KCNQ1: variants seen among roughly 807,000 people sequenced by gnomAD.
The protein encoded by KCNQ1 is potassium voltage-gated channel subfamily Q member 1.
Under a neutral mutation model 72.4 loss-of-function variants are expected in KCNQ1, and 49 were observed. The observed-to-expected ratio is 0.68, with a 90% confidence interval of 0.54 to 0.86. KCNQ1 has a LOEUF of 0.86. Among genes scored for constraint, KCNQ1 ranks in the 40% least tolerant of loss-of-function variants. KCNQ1 has a pLI of 0.00. For synonymous variants in KCNQ1, 450 were observed against 412.6 expected, an observed-to-expected ratio of 1.09 and a Z score of -1.10; for missense variants, 790 against 945.1, an observed-to-expected ratio of 0.84 and a Z score of 2.15.
At chr11:2,465,075 C>T (rs573645464) in intron 1 of KCNQ1, among the ~76,000 whole-genome samples, 223 of 152,384 alleles carry the variant, frequency 1.5e-3, no homozygotes, top group African/African-American at 5.2e-3. Flanking sequence ...CTGTTAGCCA[C>T]ATGCTTAGAC....
intron 11 of KCNQ1, among the ~76,000 whole-genome samples, chr11:2,700,516 A>T (rs1850788185): frequency 6.6e-6 from 1 of 151,802 alleles, no homozygotes; most frequent in South Asian, 2.1e-4. Flanking sequence ...GAACCCGGGC[A>T]AGGTCTCCAC....
rs545288892 is a variant in KCNQ1 at position 2,458,691 on chromosome 11, C to T, written c.386+13207C>T. Among the ~76,000 whole-genome samples the T allele has an allele frequency of 3.6e-5, 5 of 139,850 alleles. No homozygotes were observed. Among genetic ancestry groups the T allele is most frequent in the African/African-American group, 5.3e-5 (2 of 37,514 alleles). The allele number at this position is 139,850 out of a possible 152,430, so 91.7% of individuals were successfully genotyped here. ...TGGATGGATGGATGGATGGATCGAT[C>T]GATCTCACCAAGCCTCGTGCTCTAA... is the stretch of plus-strand genomic sequence containing the variant. On this transcript the variant is annotated intron_variant, in intron 1 of 15. Coordinates refer to ENST00000155840, the MANE Select transcript of KCNQ1 (RefSeq NM_000218.3). The surrounding 1 kb of genome is among the most constrained non-coding windows in gnomAD (Gnocchi z 4.6).
Position 2,544,292 on chromosome 11 carries a change from AT to A in KCNQ1, c.477+16275del, listed in dbSNP as rs1847870630. The stretch of plus-strand genomic sequence containing the variant: ...TGTGTATATATATGTGTATATATAT[AT>A]GTATATATGTGTATATATGTATATA... On this transcript the variant is annotated intron_variant, in intron 2 of 15. Coordinates refer to ENST00000155840, the MANE Select transcript of KCNQ1 (RefSeq NM_000218.3). The surrounding 1 kb of genome is among the most constrained non-coding windows in gnomAD (Gnocchi z 4.4). Among the ~76,000 whole-genome samples the A allele has an allele frequency of 7.3e-6, 1 of 137,774 alleles. No homozygotes were observed. Among genetic ancestry groups the A allele is most frequent in the Admixed American group, 7.1e-5 (1 of 14,144 alleles). 90.4% of individuals were successfully genotyped at this position (137,774 alleles called of 152,430 possible). A position where few individuals can be genotyped will look rare whatever the true frequency, so the allele number is the denominator to read the frequency against.
Position 2,621,404 on chromosome 11 carries a change from C to T in KCNQ1, c.1393+32550C>T. 1 of 398,452 alleles carries T rather than the reference C, an allele frequency of 2.5e-6. No individual in the cohort carries two copies. The highest frequency in any genetic ancestry group is 6.3e-4 in the Middle Eastern group (1 of 1,580). 24.7% of individuals were successfully genotyped at this position (398,452 alleles called of 1,614,324 possible). The stretch of plus-strand genomic sequence containing the variant: ...ATTCAATTGGATTATTCGTTTTTTG[C>T]TTGTTGATTGGTTTAAGTTCCTTAT... On this transcript the variant is annotated intron_variant, in intron 10 of 15. Coordinates refer to ENST00000155840, the MANE Select transcript of KCNQ1 (RefSeq NM_000218.3). This position sits in a 1 kb window ranked among gnomAD's most constrained non-coding sequence, Gnocchi z 5.7.
At chr11:2,819,390 A>G (rs1473006644) in intron 15 of KCNQ1, among the ~76,000 whole-genome samples, 2 of 152,276 alleles carry the variant, frequency 1.3e-5, no homozygotes, top group Admixed American at 1.3e-4. Context: ...GGAGACATCC[A>G]ACACGTGTCA....
Position 2,828,381 on chromosome 11 carries a change from C to T in KCNQ1, c.1795-19386C>T, listed in dbSNP as rs919764225. ...AAGGTGACAGTAAAGGCATGAAAAACATGGAAACATGTAAATCAACTAGGG... is the reference window on the plus strand; with the variant it reads ...AAGGTGACAGTAAAGGCATGAAAAATATGGAAACATGTAAATCAACTAGGG... On this transcript the variant is annotated intron_variant, in intron 15 of 15. Transcript: ENST00000155840. The surrounding 1 kb of genome is among the most constrained non-coding windows in gnomAD (Gnocchi z 5.3). 3.3e-5 allele frequency among the ~76,000 whole-genome samples: 5 copies of T among 152,160 alleles called. No homozygotes were observed. The highest frequency in any genetic ancestry group is 1.2e-4 in the African/African-American group (5 of 41,434).
intron 11 of KCNQ1, among the ~76,000 whole-genome samples, chr11:2,726,525 C>T (rs911875720): frequency 6.6e-6 from 1 of 152,202 alleles, no homozygotes; most frequent in East Asian, 1.9e-4. Flanking sequence ...TCCCCCACCC[C>T]ACCCCTGCCC....
At chr11:2,533,229 A>C (rs550059303) in intron 2 of KCNQ1, among the ~76,000 whole-genome samples, 2 of 152,360 alleles carry the variant, frequency 1.3e-5, no homozygotes, top group East Asian at 3.9e-4. Context: ...CTGCTAAGGA[A>C]ACCCCAGCGC....
intron 11 of KCNQ1, among the ~76,000 whole-genome samples, chr11:2,749,641 CA>C (rs35701102): frequency 0.011 from 955 of 87,092 alleles, 6 homozygotes; most frequent in Admixed American, 0.027. Context: ...ACTAAAAATA[CA>C]AAAAAAAAAA....
Position 2,698,206 on chromosome 11 carries a change from C to A in KCNQ1, c.1514+36125C>A. On this transcript the variant is annotated intron_variant, in intron 11 of 15. Coordinates refer to ENST00000155840, the MANE Select transcript of KCNQ1 (RefSeq NM_000218.3). This position sits in a 1 kb window ranked among gnomAD's most constrained non-coding sequence, Gnocchi z 5.1. ...AAGGGGCACCACAGTAAAGAAAGAA[C>A]TGGTAAATGCACATCAAATGTGGAT... 2.5e-6 allele frequency: 1 copy of A among 398,626 alleles called. No individual in the cohort carries two copies. The highest frequency in any genetic ancestry group is 4.4e-6 in the Non-Finnish European group (1 of 226,070). The allele number at this position is 398,626 out of a possible 1,614,324, so 24.7% of individuals were successfully genotyped here. A position where few individuals can be genotyped will look rare whatever the true frequency, so the allele number is the denominator to read the frequency against.
intron 1 of KCNQ1, among the ~76,000 whole-genome samples, chr11:2,453,437 T>A (rs1846143469): frequency 6.6e-6 from 1 of 151,776 alleles, no homozygotes; most frequent in Non-Finnish European, 1.5e-5. Context: ...ATGTGATGTT[T>A]CACGAAGGGT....
intron 1 of KCNQ1, chr11:2,521,374 TTA>T: frequency 2.6e-6 from 1 of 385,330 alleles, no homozygotes; most frequent in Non-Finnish European, 5.4e-6. Context: ...GCACTGTGTG[TTA>T]TCCGGTGTCC....
intron 11 of KCNQ1, among the ~76,000 whole-genome samples, chr11:2,738,533 C>A (rs1044368554): frequency 1.6e-4 from 24 of 152,336 alleles, no homozygotes; most frequent in Admixed American, 3.3e-4. Context: ...AACCTCCCCC[C>A]ACTCCCAGCC....
intron 11 of KCNQ1, among the ~76,000 whole-genome samples, chr11:2,722,826 A>G (rs1468039056): frequency 6.6e-6 from 1 of 152,138 alleles, no homozygotes; most frequent in African/African-American, 2.4e-5. Context: ...GGCTCAGCCA[A>G]CTGACACCAG....
intron 1 of KCNQ1, chr11:2,461,285 G>A (rs921829133): frequency 4.8e-5 from 27 of 561,238 alleles, no homozygotes; most frequent in Non-Finnish European, 7.1e-5. Context: ...GCCTTGGAGA[G>A]GATGGCTTCT....
intron 11 of KCNQ1, among the ~76,000 whole-genome samples, chr11:2,740,152 T>A (rs231879): frequency 6.6e-6 from 1 of 152,086 alleles, no homozygotes; most frequent in Non-Finnish European, 1.5e-5. Context: ...ACGTTAGAAC[T>A]TCTTTACCCC....
intron 2 of KCNQ1, among the ~76,000 whole-genome samples, chr11:2,533,725 T>C (rs1474608984): frequency 6.6e-6 from 1 of 152,218 alleles, no homozygotes; most frequent in Non-Finnish European, 1.5e-5. Flanking sequence ...AGCCAGCTGC[T>C]GCTAGAAACT....
In KCNQ1 at chr11:2,550,555, G is replaced by A. The variant is rs1332310418; in HGVS notation, c.478-20073G>A. 6.6e-6 allele frequency among the ~76,000 whole-genome samples: 1 copy of A among 152,230 alleles called. No individual in the cohort carries two copies. Among genetic ancestry groups the A allele is most frequent in the African/African-American group, 2.4e-5 (1 of 41,464 alleles). On this transcript the variant is annotated intron_variant, in intron 2 of 15. Coordinates refer to ENST00000155840, the MANE Select transcript of KCNQ1 (RefSeq NM_000218.3). This position sits in a 1 kb window ranked among gnomAD's most constrained non-coding sequence, Gnocchi z 6.0. ...GACATGCATCCTCGCCTAGGCCAGA[G>A]TGCCAGGCAGGGTAGGGGAACAAAT...
In KCNQ1 at chr11:2,708,928, C is replaced by CT. The variant is rs570357135; in HGVS notation, c.1514+46854dup. Among the ~76,000 whole-genome samples the CT allele has an allele frequency of 1.2e-4, 18 of 152,076 alleles. No individual in the cohort carries two copies. The South Asian group carries it at 2.9e-3, about 25-fold the overall frequency. ...CACCTTTCTCTGCTTGGAGTGCAAT[C>CT]TTTTTTTGGAAGCCCTGCTGGAAAA... is the stretch of plus-strand genomic sequence containing the variant. On this transcript the variant is annotated intron_variant, in intron 11 of 15. Coordinates refer to ENST00000155840, the MANE Select transcript of KCNQ1 (RefSeq NM_000218.3).
Sources: allele counts gnomAD v4.1 joint callset (sites outside exome capture counted in the v4.1 genomes callset), GRCh38; gene constraint gnomAD v4.1.1; non-coding constraint Gnocchi (gnomAD v3.1); transcripts MANE v1.5; gene names NCBI Gene and HGNC (gene_info 2026-07-23, HGNC 2026-07-21).